Variants in TUG1 observed in about 807,000 individuals in gnomAD.
TUG1 encodes taurine up-regulated 1, also known as taurine upregulated gene 1.
chr22:30,978,085 A>G (rs1028285843), exon 3 of TUG1: 1 of 152,166 alleles, frequency 6.6e-6, no homozygotes, highest in African/African-American at 2.4e-5. Flanking sequence ...CTAGCAAAAG[A>G]AGAAAAGTTT....
At chr22:30,974,247 A>G (rs1233886907) in intron 2 of TUG1, 1 of 151,690 alleles carries the variant, frequency 6.6e-6, no homozygotes, top group Non-Finnish European at 1.5e-5. Flanking sequence ...TATGTAAGAC[A>G]TGGCCCTTCC....
At chr22:30,975,124 T>C (rs540124963) in intron 2 of TUG1, 46 bp from the exon 3 acceptor site, 2 of 152,358 alleles carry the variant, frequency 1.3e-5, no homozygotes, top group Middle Eastern at 3.4e-3. Context: ...TACCACAGGC[T>C]TTGCTTACAG....
exon 3 of TUG1, chr22:30,977,688 T>C (rs2041304752): frequency 6.6e-6 from 1 of 152,208 alleles, no homozygotes; most frequent in Non-Finnish European, 1.5e-5. Flanking sequence ...GCTTGTCTAT[T>C]TTCCTGACTC....
At chr22:30,977,529 A>G (rs1264719229) in exon 3 of TUG1, 1 of 152,228 alleles carries the variant, frequency 6.6e-6, no homozygotes, top group Non-Finnish European at 1.5e-5. Context: ...GCTCTGTAAG[A>G]TCAGAAAACT....
chr22:30,969,628 C>A, exon 1 of TUG1: 1 of 151,572 alleles, frequency 6.6e-6, no homozygotes, highest in South Asian at 1.9e-4. Context: ...CGCCCCGCTC[C>A]GGGGGAGGCG....
exon 1 of TUG1, chr22:30,969,503 C>G (rs1162240902): frequency 6.6e-6 from 1 of 151,818 alleles, no homozygotes. Context: ...CGCCCGGTGG[C>G]CGTTGGCGCT....
At chr22:30,974,364 A>C (rs2041265245) in intron 2 of TUG1, 1 of 151,468 alleles carries the variant, frequency 6.6e-6, no homozygotes, top group Non-Finnish European at 1.5e-5. Context: ...AAAAAAAAAG[A>C]CTTCTAGTAA....
exon 2 of TUG1, chr22:30,973,445 C>A (rs1416308200): frequency 6.6e-6 from 1 of 152,154 alleles, no homozygotes; most frequent in East Asian, 1.9e-4. Context: ...ACAGTGAACT[C>A]CTCATAGCAT....
intron 2 of TUG1, chr22:30,974,960 CA>C (rs1210813897): frequency 6.6e-6 from 1 of 152,132 alleles, no homozygotes; most frequent in Non-Finnish European, 1.5e-5. Context: ...GCAAAAACCC[CA>C]GTGCTGTTAC....
chr22:30,969,557 C>T (rs1253647349), exon 1 of TUG1: 8 of 152,276 alleles, frequency 5.3e-5, no homozygotes, highest in Non-Finnish European at 1.0e-4. Context: ...GGGCGGCGGC[C>T]TATGCGTTTG....
At chr22:30,970,885 G>T (rs1000116196) in exon 1 of TUG1, 1 of 152,140 alleles carries the variant, frequency 6.6e-6, no homozygotes, top group Non-Finnish European at 1.5e-5. Flanking sequence ...TAGAACTACT[G>T]CGGAACCTCA....
At chr22:30,975,261 A>G (rs2041275366) in exon 3 of TUG1, 3 of 152,246 alleles carry the variant, frequency 2.0e-5, no homozygotes. Flanking sequence ...AGAAGCCCAG[A>G]GTAAAAGTGA....
At chr22:30,971,346 A>C in exon 1 of TUG1, 1 of 152,560 alleles carries the variant, frequency 6.6e-6, no homozygotes. Flanking sequence ...GATGTACCTC[A>C]AAAGACTTAA....
At chr22:30,976,066 A>G (rs1210016920) in exon 3 of TUG1, 1 of 144,816 alleles carries the variant, frequency 6.9e-6, no homozygotes, top group Non-Finnish European at 1.5e-5. Context: ...TAAGCTTTAA[A>G]AAAAAAAAAA....
exon 3 of TUG1, chr22:30,977,528 G>T (rs185515200): frequency 2.6e-5 from 4 of 152,272 alleles, no homozygotes; most frequent in Non-Finnish European, 5.9e-5. Flanking sequence ...GGCTCTGTAA[G>T]ATCAGAAAAC....
chr22:30,978,765 CT>C (rs1257754938), exon 3 of TUG1: 1 of 152,190 alleles, frequency 6.6e-6, no homozygotes, highest in Non-Finnish European at 1.5e-5. Flanking sequence ...GTTTGTGCCC[CT>C]GGATCCAACC....
At chr22:30,978,993 G>C (rs563145972) in exon 3 of TUG1, 1 of 152,166 alleles carries the variant, frequency 6.6e-6, no homozygotes, top group Non-Finnish European at 1.5e-5. Context: ...AAATGAAACA[G>C]GAACTGAGGG....
exon 3 of TUG1, chr22:30,975,284 T>C (rs2041275608): frequency 6.6e-6 from 1 of 152,256 alleles, no homozygotes; most frequent in Non-Finnish European, 1.5e-5. Context: ...CTGCTCTGGA[T>C]GAAGTAGTGA....
chr22:30,974,384 T>G (rs1337546435), intron 2 of TUG1: 1 of 151,438 alleles, frequency 6.6e-6, no homozygotes, highest in South Asian at 2.1e-4. Flanking sequence ...AAGAGTTCCA[T>G]TTTGCTGTTT....
Sources: gnomAD v4.1 joint callset for allele counts on GRCh38, gnomAD v4.1.1 for gene constraint, MANE v1.5 for transcripts, NCBI Gene and HGNC (gene_info 2026-07-23, HGNC 2026-07-21) for gene names.